The following KCNQ5 variants were observed in gnomAD, a reference collection of about 807,000 sequenced individuals.
KCNQ5 encodes potassium voltage-gated channel subfamily KQT member 5.
In KCNQ5, 30 loss-of-function variants were observed where a neutral mutation model predicts 98.2. That is an observed-to-expected ratio of 0.31 (90% confidence interval 0.23 to 0.41). The LOEUF is 0.41. KCNQ5 is among the 10% of genes least tolerant of loss of function. The pLI, the probability that KCNQ5 is intolerant of heterozygous loss-of-function variation, is 1.00. For missense variants in KCNQ5, 835 were observed against 1,182.5 expected (o/e 0.71, Z 4.31); for synonymous variants, 458 against 449.4 (o/e 1.02, Z -0.24).
chr6:72,941,532 T>TTCCCTTCTTCCC (rs1766280635), intron 1 of KCNQ5, among the ~76,000 whole-genome samples: 2 of 99,750 alleles, frequency 2.0e-5, no homozygotes, highest in Non-Finnish European at 4.3e-5. Flanking sequence ...TCCTTCCTCC[T>TTCCCTTCTTCCC]TCCCTCCTTC....
intron 1 of KCNQ5, among the ~76,000 whole-genome samples, chr6:73,002,095 A>G (rs1769603986): frequency 6.6e-6 from 1 of 152,180 alleles, no homozygotes; most frequent in Non-Finnish European, 1.5e-5. Flanking sequence ...GCACCACTGC[A>G]CTCTAGCCTG....
intron 1 of KCNQ5, among the ~76,000 whole-genome samples, chr6:72,752,983 T>A (rs1261468094): frequency 6.6e-6 from 1 of 152,128 alleles, no homozygotes; most frequent in African/African-American, 2.4e-5. Flanking sequence ...TTGAATATTA[T>A]TAATGAATTA....
chr6:72,905,994 G>C (rs1454443052), intron 1 of KCNQ5, among the ~76,000 whole-genome samples: 2 of 152,138 alleles, frequency 1.3e-5, no homozygotes, highest in East Asian at 3.9e-4. Context: ...AGTTACCTGG[G>C]TGGGTAGGGA....
At chr6:73,043,760 G>T (rs1014086919) in intron 3 of KCNQ5, among the ~76,000 whole-genome samples, 4 of 152,264 alleles carry the variant, frequency 2.6e-5, no homozygotes, top group African/African-American at 7.2e-5. Flanking sequence ...AATTTCAGAA[G>T]CAATGCCAAT....
At chr6:72,826,534 A>G (rs73543825) in intron 1 of KCNQ5, among the ~76,000 whole-genome samples, 41,719 of 150,838 alleles carry the variant, frequency 0.28, 6,842 homozygotes, top group African/African-American at 0.46. Flanking sequence ...AATGTCTCCT[A>G]TAGGTTCCTG....
At chr6:72,706,681 G>A (rs568574959) in intron 1 of KCNQ5, among the ~76,000 whole-genome samples, 20 of 152,052 alleles carry the variant, frequency 1.3e-4, no homozygotes, top group Non-Finnish European at 2.2e-4. Context: ...TGTCATAGAG[G>A]CCTTCCTTGA....
chr6:72,681,456 C>T (rs906157593), intron 1 of KCNQ5, among the ~76,000 whole-genome samples: 4 of 152,126 alleles, frequency 2.6e-5, no homozygotes, highest in African/African-American at 9.7e-5. Context: ...AGTGACTTTT[C>T]CTTGTGTCAG....
chr6:72,849,018 T>C (rs909648269), intron 1 of KCNQ5, among the ~76,000 whole-genome samples: 6 of 152,146 alleles, frequency 3.9e-5, no homozygotes, highest in Non-Finnish European at 8.8e-5. Context: ...TATTTGACTT[T>C]CTGTTTCTGA....
chr6:72,822,117 G>A (rs1453992389), intron 1 of KCNQ5, among the ~76,000 whole-genome samples: 1 of 151,944 alleles, frequency 6.6e-6, no homozygotes, highest in Non-Finnish European at 1.5e-5. Context: ...AATATCTCTG[G>A]CATATAACAG....
chr6:72,622,255 AGCGGCGGCG>A lies in KCNQ5; in HGVS notation c.74_82del (p.Ala25_Ala27del), dbSNP rs568022266. On this transcript the variant is annotated inframe_deletion, in exon 1 of 14. Transcript: ENST00000370398. The surrounding 1 kb of genome is among the most constrained non-coding windows in gnomAD (Gnocchi z 6.0). The stretch of plus-strand genomic sequence containing the variant: ...CCGGGCTCTGGGTGAAGAGCGGCGC[AGCGGCGGCG>A]GCGGCGGGCGGGGGGCGCTTGGGCA... 7.9e-7 allele frequency: 1 copy of A among 1,257,932 alleles called. No individual in the cohort carries two copies. The highest frequency in any genetic ancestry group is 1.0e-6 in the Non-Finnish European group (1 of 1,003,758). The allele number at this position is 1,257,932 out of a possible 1,614,324, so 77.9% of individuals were successfully genotyped here.
rs76583464 is a variant in KCNQ5, at chr6:73,079,500, A to T, written c.918+1613A>T. On this transcript the variant is annotated intron_variant, in intron 5 of 13. Coordinates refer to ENST00000370398, the MANE Select transcript of KCNQ5 (RefSeq NM_019842.4). ...CAGAACATTTGTCAGAGAGGGGGAA[A>T]ATTTGTTAGGGCTGTATTTAGCAGA... 2.9e-4 allele frequency among the ~76,000 whole-genome samples: 44 copies of T among 152,302 alleles called. No homozygotes were observed. In the East Asian group the frequency reaches 7.7e-3, roughly 27 times the overall value.
chr6:72,968,110 A>T (rs1031699018), intron 1 of KCNQ5, among the ~76,000 whole-genome samples: 17 of 152,178 alleles, frequency 1.1e-4, no homozygotes, highest in Non-Finnish European at 2.1e-4. Flanking sequence ...ATGTGAATAG[A>T]AACTTACATA....
At chr6:72,814,153 G>A (rs1775385262) in intron 1 of KCNQ5, among the ~76,000 whole-genome samples, 1 of 152,216 alleles carries the variant, frequency 6.6e-6, no homozygotes, top group Admixed American at 6.5e-5. Flanking sequence ...GGAACAGAAG[G>A]AAAGGGAAGG....
intron 1 of KCNQ5, among the ~76,000 whole-genome samples, chr6:72,933,282 G>C (rs1022103421): frequency 2.6e-5 from 4 of 152,174 alleles, no homozygotes; most frequent in Non-Finnish European, 4.4e-5. Context: ...GAGCCAAAAG[G>C]AGACCCATGA....
chr6:72,777,700 G>A (rs1029585316), intron 1 of KCNQ5, among the ~76,000 whole-genome samples: 5 of 152,198 alleles, frequency 3.3e-5, no homozygotes, highest in African/African-American at 7.2e-5. Flanking sequence ...AGGAACCACA[G>A]AGGTGATTCT....
chr6:72,790,672 A>AT (rs1036687023), intron 1 of KCNQ5, among the ~76,000 whole-genome samples: 23 of 152,222 alleles, frequency 1.5e-4, no homozygotes, highest in African/African-American at 4.3e-4. Flanking sequence ...ACATGATCAG[A>AT]TTGTTTGTAA....
chr6:72,944,852 T>C lies in KCNQ5; in HGVS notation c.399-59056T>C, dbSNP rs928867492. 3.3e-5 allele frequency among the ~76,000 whole-genome samples: 5 copies of C among 152,192 alleles called. No homozygotes were observed. The South Asian group carries it at 1.0e-3, about 31-fold the overall frequency. On this transcript the variant is annotated intron_variant, in intron 1 of 13. Transcript: ENST00000370398. ...AAAGGATGCACTGATCATGTTTTTC[T>C]CCACTGGAACATGAGTGGATGTTTC... is the stretch of plus-strand genomic sequence containing the variant.
intron 1 of KCNQ5, among the ~76,000 whole-genome samples, chr6:72,941,396 TTTCCTCCTTCCCTCCCTCCCTTCTTTCC>T (rs1395208826): frequency 6.7e-5 from 7 of 105,118 alleles, no homozygotes; most frequent in East Asian, 6.4e-4. Flanking sequence ...TCCTTCCTCC[TTTCCTCCTTCCCTCCCTCCCTTCTTTCC>T]TTCCTCCTTC....
rs1769443672 is a variant in KCNQ5, at chr6:72,999,067, G to A, written c.399-4841G>A. Among the ~76,000 whole-genome samples, 3 of 152,198 alleles carry A rather than the reference G, an allele frequency of 2.0e-5. No individual in the cohort carries two copies. In the South Asian group the frequency reaches 6.2e-4, roughly 32 times the overall value. On this transcript the variant is annotated intron_variant, in intron 1 of 13. Transcript: ENST00000370398. ...AGGGTAACTTGCCATGGTTCGTTCAGTAGAGCTTTTCTGAATGTTTTATTT... is the reference window on the plus strand; with the variant it reads ...AGGGTAACTTGCCATGGTTCGTTCAATAGAGCTTTTCTGAATGTTTTATTT...
Sources: allele counts gnomAD v4.1 joint callset (sites outside exome capture counted in the v4.1 genomes callset), GRCh38; gene constraint gnomAD v4.1.1; non-coding constraint Gnocchi (gnomAD v3.1); transcripts MANE v1.5; gene names NCBI Gene and HGNC (gene_info 2026-07-23, HGNC 2026-07-21).